Variants in DHRSX observed in about 807,000 individuals in gnomAD.
DHRSX encodes dehydrogenase/reductase X-linked.
DHRSX carries 31 observed loss-of-function variants against 34.0 expected under a neutral mutation model. That is an observed-to-expected ratio of 0.91 (90% CI 0.69 to 1.23). The LOEUF is 1.23. DHRSX is among the 50% of genes most tolerant of loss of function. DHRSX has a pLI of 0.00. For missense variants in DHRSX, 414 were observed against 428.1 expected (o/e 0.97, Z 0.29); for synonymous variants, 201 against 183.8 (o/e 1.09, Z -0.76).
chrX:2,482,844 G>A (rs1406455312), intron 1 of DHRSX, among the ~76,000 whole-genome samples: 3 of 152,096 alleles, frequency 2.0e-5, no homozygotes, highest in African/African-American at 7.2e-5. Flanking sequence ...AAGCCAGTTG[G>A]AGCCTGAATG....
chrX:2,485,696 G>A, intron 1 of DHRSX, among the ~76,000 whole-genome samples: 2 of 92,088 alleles, frequency 2.2e-5, no homozygotes, highest in South Asian at 8.8e-4. Flanking sequence ...GAGGCAGAGA[G>A]GGAGGGGAGG....
rs760970833 is a variant in DHRSX at position 2,339,988 on chromosome X, G to A, written c.287-48385C>T. Reference sequence around the variant, plus strand: ...GAACTAATTTACACTCCCACCAACAGTGTAAAACCATTCCTATTTCTCCAC... The same window carrying A: ...GAACTAATTTACACTCCCACCAACAATGTAAAACCATTCCTATTTCTCCAC... On this transcript the variant is annotated intron_variant, in intron 3 of 6. Coordinates refer to ENST00000334651, the MANE Select transcript of DHRSX (RefSeq NM_145177.3). 2.0e-5 allele frequency among the ~76,000 whole-genome samples: 3 copies of A among 152,230 alleles called. No homozygotes were observed. The South Asian group carries it at 6.2e-4, about 32-fold the overall frequency.
intron 1 of DHRSX, among the ~76,000 whole-genome samples, chrX:2,450,813 C>A (rs1323073670): frequency 6.6e-6 from 1 of 151,894 alleles, no homozygotes; most frequent in African/African-American, 2.4e-5. Context: ...TGTATTCCTC[C>A]CCCAAATTCC....
intron 1 of DHRSX, among the ~76,000 whole-genome samples, chrX:2,469,427 C>A: frequency 6.6e-6 from 1 of 151,602 alleles, no homozygotes; most frequent in African/African-American, 2.4e-5. Context: ...AGCGACGGCA[C>A]TGAAGACACT....
intron 1 of DHRSX, 40 bp downstream of exon 1, chrX:2,500,777 C>A: frequency 9.8e-7 from 1 of 1,023,818 alleles, no homozygotes; most frequent in South Asian, 4.6e-5. Flanking sequence ...CGCGCCCACC[C>A]GGGTCCCCGG....
At chrX:2,438,849 C>G (rs1271484305) in intron 1 of DHRSX, among the ~76,000 whole-genome samples, 1 of 151,598 alleles carries the variant, frequency 6.6e-6, no homozygotes, top group Non-Finnish European at 1.5e-5. Context: ...AAAGCATCAA[C>G]AAAGACCTGC....
intron 3 of DHRSX, among the ~76,000 whole-genome samples, chrX:2,293,297 G>C (rs2041890098): frequency 6.6e-6 from 1 of 150,454 alleles, no homozygotes; most frequent in African/African-American, 2.4e-5. Flanking sequence ...TTTGGAGGGA[G>C]AGGAACTAGA....
At chrX:2,499,893 A>G (rs934271560) in intron 1 of DHRSX, among the ~76,000 whole-genome samples, 2 of 152,278 alleles carry the variant, frequency 1.3e-5, no homozygotes, top group African/African-American at 4.8e-5. Context: ...ACTTTAAAAC[A>G]TTAGTCGGAT....
At chrX:2,410,598 A>G (rs1339882194) in intron 2 of DHRSX, among the ~76,000 whole-genome samples, 1 of 152,242 alleles carries the variant, frequency 6.6e-6, no homozygotes, top group African/African-American at 2.4e-5. Flanking sequence ...GGAAGAGACC[A>G]TGCTGTTTGA....
intron 3 of DHRSX, among the ~76,000 whole-genome samples, chrX:2,368,588 G>A (rs1427549336): frequency 4.6e-5 from 7 of 152,078 alleles, no homozygotes; most frequent in Non-Finnish European, 8.8e-5. Flanking sequence ...GGAAGCTCAC[G>A]CCTGTAATCC....
chrX:2,301,302 T>G (rs1267649991), intron 3 of DHRSX, among the ~76,000 whole-genome samples: 1 of 152,136 alleles, frequency 6.6e-6, no homozygotes, highest in Non-Finnish European at 1.5e-5. Flanking sequence ...TAATCCCAGC[T>G]ACTTGGGAGA....
chrX:2,405,508 C>A (rs1466601959), intron 3 of DHRSX, among the ~76,000 whole-genome samples: 1 of 150,304 alleles, frequency 6.7e-6, no homozygotes. Flanking sequence ...TAATAATCGT[C>A]ATCATCATCA....
intron 4 of DHRSX, among the ~76,000 whole-genome samples, chrX:2,270,620 G>A (rs1207161583): frequency 6.6e-6 from 1 of 152,116 alleles, no homozygotes; most frequent in Non-Finnish European, 1.5e-5. Flanking sequence ...AGGTCCTTGA[G>A]GAAAAACCAA....
intron 3 of DHRSX, among the ~76,000 whole-genome samples, chrX:2,309,579 C>G (rs2042139764): frequency 2.0e-5 from 3 of 152,120 alleles, no homozygotes; most frequent in Admixed American, 2.0e-4. Flanking sequence ...ACCTGAAAAT[C>G]AGATCTTAGT....
At chrX:2,489,674 T>G (rs756459362) in intron 1 of DHRSX, 4 of 1,612,378 alleles carry the variant, frequency 2.5e-6, no homozygotes, top group Non-Finnish European at 3.4e-6. Flanking sequence ...GGAGACGCGG[T>G]TGCTCACCAG....
intron 3 of DHRSX, among the ~76,000 whole-genome samples, chrX:2,400,348 C>T (rs2043471022): frequency 2.0e-5 from 3 of 152,120 alleles, no homozygotes; most frequent in Non-Finnish European, 2.9e-5. Flanking sequence ...CTACCCAATC[C>T]GAAAGTCTAC....
chrX:2,230,380 G>C (rs868256626), intron 6 of DHRSX, among the ~76,000 whole-genome samples: 1 of 152,082 alleles, frequency 6.6e-6, no homozygotes, highest in African/African-American at 2.4e-5. Context: ...CTACAATCTC[G>C]TAAGACACAC....
intron 3 of DHRSX, among the ~76,000 whole-genome samples, chrX:2,340,863 G>A (rs2042632164): frequency 6.6e-6 from 1 of 152,090 alleles, no homozygotes; most frequent in Non-Finnish European, 1.5e-5. Flanking sequence ...ACGAGCTGGT[G>A]TTCCCAATGG....
chrX:2,483,706 G>C (rs2044809630), intron 1 of DHRSX, among the ~76,000 whole-genome samples: 1 of 151,126 alleles, frequency 6.6e-6, no homozygotes. Flanking sequence ...AGAGCCCAGA[G>C]TGTGCGATCT....
Sources: allele counts gnomAD v4.1 joint callset (sites outside exome capture counted in the v4.1 genomes callset), GRCh38; gene constraint gnomAD v4.1.1; transcripts MANE v1.5; gene names NCBI Gene and HGNC (gene_info 2026-07-23, HGNC 2026-07-21).